PDE4DIP: variants seen among roughly 807,000 people sequenced by gnomAD.
PDE4DIP encodes myomegalin.
PDE4DIP carries 59 observed loss-of-function variants against 221.4 expected under a neutral mutation model. The observed-to-expected ratio is 0.27, with a 90% CI of 0.22 to 0.33. The LOEUF (loss-of-function observed/expected upper bound fraction) is 0.33, where lower values mean the gene tolerates loss of function less well. Among genes scored for constraint, PDE4DIP ranks in the 10% least tolerant of loss-of-function variants. The pLI, the probability that PDE4DIP is intolerant of heterozygous loss-of-function variation, is 1.00. For synonymous variants in PDE4DIP, 404 were observed against 815.9 expected (o/e 0.50, Z 8.60); for missense variants, 1,036 against 2,154.2 (o/e 0.48, Z 10.28).
intron 4 of PDE4DIP, among the ~76,000 whole-genome samples, chr1:148,933,218 A>G (rs1166355989): frequency 6.6e-6 from 1 of 152,020 alleles, no homozygotes; most frequent in Non-Finnish European, 1.5e-5. Context: ...TAGAAAGTGG[A>G]TAGGGAAAGG....
At chr1:148,905,081 T>A (rs587748404) in intron 1 of PDE4DIP, among the ~76,000 whole-genome samples, 1 of 140,874 alleles carries the variant, frequency 7.1e-6, no homozygotes, top group Non-Finnish European at 1.5e-5. Flanking sequence ...AGCATTTCAA[T>A]CTTGTTGCTT....
Position 148,952,068 on chromosome 1 carries a change from G to A in PDE4DIP, c.637-8586G>A, listed in dbSNP as rs1329845629. 5 of 1,013,394 alleles carry A rather than the reference G, an allele frequency of 4.9e-6. No individual in the cohort carries two copies. The African/African-American group carries it at 8.6e-5, about 17-fold the overall frequency. 62.8% of individuals were successfully genotyped at this position (1,013,394 alleles called of 1,614,324 possible). On this transcript the variant is annotated intron_variant, in intron 5 of 43. Transcript: ENST00000369354. The stretch of plus-strand genomic sequence containing the variant: ...GGCACTGTCCGAGAATGCAGGGAGG[G>A]GATTCGTCTTTCTCCTCCCCGCGAG...
chr1:149,001,031 G>A (rs1368377689), intron 23 of PDE4DIP, among the ~76,000 whole-genome samples: 5 of 151,730 alleles, frequency 3.3e-5, no homozygotes, highest in African/African-American at 9.7e-5. Flanking sequence ...GGATGAATAG[G>A]ACAGACACAG....
intron 1 of PDE4DIP, among the ~76,000 whole-genome samples, chr1:148,818,107 C>A (rs1419499357): frequency 6.7e-6 from 1 of 149,382 alleles, no homozygotes; most frequent in Non-Finnish European, 1.5e-5. Flanking sequence ...AGGCACTGTG[C>A]CCCGCCCATG....
intron 31 of PDE4DIP, among the ~76,000 whole-genome samples, chr1:149,011,119 A>T (rs1164411232): frequency 6.6e-6 from 1 of 152,010 alleles, no homozygotes; most frequent in African/African-American, 2.4e-5. Context: ...CATAGTGCAT[A>T]TCTTGGGGGC....
At chr1:148,935,182 C>G (rs1466463849) in intron 4 of PDE4DIP, among the ~76,000 whole-genome samples, 1 of 151,866 alleles carries the variant, frequency 6.6e-6, no homozygotes, top group Non-Finnish European at 1.5e-5. Flanking sequence ...CCACTGCACT[C>G]CAGTCTGGCG....
chr1:148,985,074 T>C (rs1209208308), intron 21 of PDE4DIP: 2 of 152,122 alleles, frequency 1.3e-5, no homozygotes, highest in Non-Finnish European at 1.5e-5. Context: ...CATTTTACCT[T>C]GTAGAAATTG....
intron 10 of PDE4DIP, among the ~76,000 whole-genome samples, chr1:148,966,227 TC>T: frequency 9.1e-6 from 1 of 109,528 alleles, no homozygotes; most frequent in Admixed American, 8.6e-5. Context: ...GAAATCCTAG[TC>T]CTTTAATTAA....
At chr1:148,827,579 T>C (rs374629449) in intron 1 of PDE4DIP, among the ~76,000 whole-genome samples, 6,913 of 76,560 alleles carry the variant, frequency 0.09, 39 homozygotes, top group Middle Eastern at 0.15. Flanking sequence ...TTTTACATAA[T>C]ACAGTTATGC....
chr1:148,917,131 A>G (rs1448436857), intron 1 of PDE4DIP, among the ~76,000 whole-genome samples: 2 of 150,640 alleles, frequency 1.3e-5, no homozygotes, highest in African/African-American at 2.5e-5. Context: ...CGCTGAGATC[A>G]TGGGTATTTA....
rs2068041824 is a variant in PDE4DIP at position 149,009,798 on chromosome 1, T to C, written c.4927+7T>C. 1.4e-5 allele frequency: 22 copies of C among 1,553,070 alleles called. No homozygotes were observed. The highest frequency in any genetic ancestry group is 1.8e-5 in the Non-Finnish European group (20 of 1,124,376). On this transcript the variant is annotated splice_region_variant and intron_variant, in intron 30 of 43. Coordinates refer to ENST00000369354, the Ensembl canonical transcript of PDE4DIP. ...GCTTCTCCCAGTCACTCAGGTAGCC[T>C]CCACTTTCTGGGTGGTACCATCTTT...
In PDE4DIP at chr1:148,956,068, G is replaced by A. The variant is rs1193427778; in HGVS notation, c.637-4586G>A. Among the ~76,000 whole-genome samples, 5 of 152,126 alleles carry A rather than the reference G, an allele frequency of 3.3e-5. No homozygotes were observed. The East Asian group carries it at 9.6e-4, about 29-fold the overall frequency. On this transcript the variant is annotated intron_variant, in intron 5 of 43. Coordinates refer to ENST00000369354, the Ensembl canonical transcript of PDE4DIP. ...CCTTAAGAGCCTTATGACAAAACCA[G>A]TGCTAGATGGGACAATGGCAGACTG...
At chr1:148,930,645 G>A in intron 2 of PDE4DIP, 1 of 150,382 alleles carries the variant, frequency 6.6e-6, no homozygotes. Flanking sequence ...ATCTAACCAA[G>A]GAGGTGAAAG....
intron 40 of PDE4DIP, 53 bp from the exon 44 acceptor site, chr1:149,028,507 A>T: frequency 1.9e-6 from 3 of 1,563,176 alleles, no homozygotes; most frequent in Non-Finnish European, 2.6e-6. Flanking sequence ...GCTTGAGCCC[A>T]TGCAGGGGGA....
chr1:148,934,672 C>G (rs587711932), intron 4 of PDE4DIP, among the ~76,000 whole-genome samples: 1 of 152,026 alleles, frequency 6.6e-6, no homozygotes, highest in Non-Finnish European at 1.5e-5. Context: ...GGCAAGATCT[C>G]GGCTCACTGC....
At chr1:148,949,180 TAC>T (rs2052535989) in intron 5 of PDE4DIP, among the ~76,000 whole-genome samples, 1 of 152,036 alleles carries the variant, frequency 6.6e-6, no homozygotes, top group African/African-American at 2.4e-5. Flanking sequence ...TATATTTAAG[TAC>T]AAAAGCAGTA....
intron 5 of PDE4DIP, among the ~76,000 whole-genome samples, chr1:148,940,881 C>T (rs587703475): frequency 6.6e-6 from 1 of 152,094 alleles, no homozygotes; most frequent in African/African-American, 2.4e-5. Context: ...CATCATGCTC[C>T]TATATAAAGT....
chr1:149,019,522 G>A (rs2071917312), intron 35 of PDE4DIP: 1 of 152,100 alleles, frequency 6.6e-6, no homozygotes, highest in Admixed American at 6.6e-5. Flanking sequence ...GTCACTGCTG[G>A]GGGACGATAA....
At chr1:148,929,176 T>C in intron 1 of PDE4DIP, 21 bp from the exon 5 acceptor site, 5 of 1,613,056 alleles carry the variant, frequency 3.1e-6, no homozygotes, top group Non-Finnish European at 4.2e-6. Flanking sequence ...TAATAACGAT[T>C]AATGCCTGTG....
Sources: allele counts gnomAD v4.1 joint callset (sites outside exome capture counted in the v4.1 genomes callset), GRCh38; gene constraint gnomAD v4.1.1; transcripts MANE v1.5; gene names NCBI Gene and HGNC (gene_info 2026-07-23, HGNC 2026-07-21).